The following OPCML variants were observed in gnomAD, a reference collection of about 807,000 sequenced individuals.
OPCML encodes the protein opioid-binding protein/cell adhesion molecule.
Under a neutral mutation model 37.8 loss-of-function variants are expected in OPCML, and 13 were observed. The observed-to-expected ratio is 0.34, with a 90% CI of 0.22 to 0.55. The LOEUF is 0.55. OPCML is among the 20% of genes least tolerant of loss of function. The pLI, the probability that OPCML is intolerant of heterozygous loss-of-function variation, is 0.91. For missense variants in OPCML, 341 were observed against 435.6 expected (o/e 0.78, Z 1.93); for synonymous variants, 176 against 168.8 (o/e 1.04, Z -0.33).
chr11:132,942,742 G>A, intron 2 of OPCML, among the ~76,000 whole-genome samples, 184 bp downstream of exon 2: 1 of 152,226 alleles, frequency 6.6e-6, no homozygotes. Context: ...CATAGCCGGA[G>A]CACAGGACAA....
In OPCML at chr11:133,121,654, A is replaced by G. The variant is rs182038050; in HGVS notation, c.62-178644T>C. ...CCAGGCTGGTGAGATCTGGGGAAAC[A>G]GTTTGTATCTAATTAGATTACATTC... is the stretch of plus-strand genomic sequence containing the variant. On this transcript the variant is annotated intron_variant, in intron 1 of 7. Coordinates refer to ENST00000524381, the MANE Select transcript of OPCML (RefSeq NM_001012393.5). Among the ~76,000 whole-genome samples, 654 of 152,300 alleles carry G rather than the reference A, an allele frequency of 4.3e-3. 2 individuals are homozygous for G. Among genetic ancestry groups the G allele is most frequent in the African/African-American group, 0.015 (633 of 41,564 alleles).
chr11:133,165,000 T>G (rs569915373), intron 1 of OPCML, among the ~76,000 whole-genome samples: 1 of 152,348 alleles, frequency 6.6e-6, no homozygotes, highest in East Asian at 1.9e-4. Context: ...TTTTAATGAT[T>G]TAAGGGTAAA....
intron 1 of OPCML, among the ~76,000 whole-genome samples, chr11:133,357,198 G>A (rs184248999): frequency 1.3e-5 from 2 of 152,272 alleles, no homozygotes; most frequent in East Asian, 3.9e-4. Context: ...ACCATCTCAG[G>A]TGGATCACTT....
chr11:133,490,815 C>T (rs1272990485), intron 1 of OPCML, among the ~76,000 whole-genome samples: 1 of 152,176 alleles, frequency 6.6e-6, no homozygotes, highest in East Asian at 1.9e-4. Flanking sequence ...CTTGCTATCT[C>T]ATCCCCTTTA....
chr11:132,939,755 G>A (rs925835237), intron 2 of OPCML, among the ~76,000 whole-genome samples: 5 of 152,180 alleles, frequency 3.3e-5, no homozygotes, highest in African/African-American at 1.2e-4. Flanking sequence ...CTCCTTTCCT[G>A]ATGTGGGCAT....
chr11:133,092,084 G>C (rs1948915306), intron 1 of OPCML, among the ~76,000 whole-genome samples: 1 of 152,206 alleles, frequency 6.6e-6, no homozygotes, highest in South Asian at 2.1e-4. Flanking sequence ...TCATGAAAAA[G>C]CTTGAGGGGG....
intron 1 of OPCML, among the ~76,000 whole-genome samples, chr11:133,138,000 T>G (rs1420654863): frequency 1.3e-5 from 2 of 152,256 alleles, no homozygotes; most frequent in Non-Finnish European, 2.9e-5. Flanking sequence ...CCATCAACAC[T>G]CAGGTTAAAA....
chr11:133,256,237 CT>C (rs1383497136), intron 1 of OPCML, among the ~76,000 whole-genome samples: 1 of 152,202 alleles, frequency 6.6e-6, no homozygotes, highest in African/African-American at 2.4e-5. Context: ...ATGAACCCAA[CT>C]GTTTGGAGTT....
At chr11:132,447,680 C>T (rs376310654) in intron 4 of OPCML, among the ~76,000 whole-genome samples, 52 of 152,258 alleles carry the variant, frequency 3.4e-4, no homozygotes, top group African/African-American at 1.2e-3. Context: ...ACCAGGTGGC[C>T]GACATACTCC....
At chr11:132,758,102 T>C (rs1182305204) in intron 2 of OPCML, among the ~76,000 whole-genome samples, 2 of 152,186 alleles carry the variant, frequency 1.3e-5, no homozygotes, top group African/African-American at 4.8e-5. Context: ...AAAGATCAGA[T>C]GGTTATGGCT....
chr11:132,880,631 G>A (rs562855597), intron 2 of OPCML, among the ~76,000 whole-genome samples: 8 of 152,254 alleles, frequency 5.3e-5, no homozygotes, highest in Admixed American at 1.3e-4. Context: ...CAATTAAAAC[G>A]TACAAAATAA....
chr11:132,518,271 C>T (rs1468269613), intron 4 of OPCML, among the ~76,000 whole-genome samples: 4 of 152,138 alleles, frequency 2.6e-5, no homozygotes, highest in South Asian at 2.1e-4. Context: ...GTTCCCTTCA[C>T]TGTGCCCATG....
intron 2 of OPCML, among the ~76,000 whole-genome samples, chr11:132,708,905 C>A (rs1383997879): frequency 6.6e-6 from 1 of 152,216 alleles, no homozygotes; most frequent in Non-Finnish European, 1.5e-5. Flanking sequence ...AAAGAATGCT[C>A]ATTTCATACT....
intron 2 of OPCML, among the ~76,000 whole-genome samples, chr11:132,746,200 A>G (rs1034317640): frequency 6.6e-6 from 1 of 152,072 alleles, no homozygotes; most frequent in Non-Finnish European, 1.5e-5. Flanking sequence ...CACACTCAGG[A>G]CAGAGCCACT....
Position 133,226,334 on chromosome 11 carries a change from G to A in OPCML, c.62-283324C>T, listed in dbSNP as rs530313787. Among the ~76,000 whole-genome samples the A allele has an allele frequency of 5.9e-5, 9 of 152,304 alleles. No individual in the cohort carries two copies. In the East Asian group the frequency reaches 9.7e-4, roughly 16 times the overall value. On this transcript the variant is annotated intron_variant, in intron 1 of 7. Transcript: ENST00000524381. Reference sequence around the variant, plus strand: ...TGTGGTTCTAAAAATGCCGTGATTCGTATTTATGGTTTTGGGGGGTTAGGG... The same window carrying A: ...TGTGGTTCTAAAAATGCCGTGATTCATATTTATGGTTTTGGGGGGTTAGGG...
intron 2 of OPCML, among the ~76,000 whole-genome samples, chr11:132,785,801 TAC>T (rs1947189764): frequency 6.6e-6 from 1 of 152,184 alleles, no homozygotes; most frequent in Non-Finnish European, 1.5e-5. Context: ...GCTCCACAGA[TAC>T]ACAGATCCCA....
At chr11:132,642,455 T>C (rs981907597) in intron 3 of OPCML, among the ~76,000 whole-genome samples, 1 of 152,226 alleles carries the variant, frequency 6.6e-6, no homozygotes, top group African/African-American at 2.4e-5. Context: ...CATGTTCACA[T>C]GTATTAAAAA....
chr11:133,201,323 T>C (rs1360668862), intron 1 of OPCML, among the ~76,000 whole-genome samples: 1 of 146,866 alleles, frequency 6.8e-6, no homozygotes, highest in African/African-American at 2.5e-5. Context: ...TTTTTTACCA[T>C]TGAATTGGAT....
intron 3 of OPCML, among the ~76,000 whole-genome samples, chr11:132,637,026 C>T (rs1039734784): frequency 1.3e-5 from 2 of 152,136 alleles, no homozygotes; most frequent in South Asian, 2.1e-4. Flanking sequence ...TTCATTGACA[C>T]GCCATCAACT....
Sources: allele counts gnomAD v4.1 joint callset (sites outside exome capture counted in the v4.1 genomes callset), GRCh38; gene constraint gnomAD v4.1.1; transcripts MANE v1.5; gene names NCBI Gene and HGNC (gene_info 2026-07-23, HGNC 2026-07-21).